The following CSMD3 variants were observed in gnomAD, a reference collection of about 807,000 sequenced individuals.
CSMD3 encodes CUB and Sushi multiple domains 3, also known as CUB and sushi domain-containing protein 3.
Under a neutral mutation model 435.2 loss-of-function variants are expected in CSMD3, and 177 were observed. The ratio of observed to expected loss-of-function variants is 0.41; its 90% CI spans 0.36 to 0.46. The LOEUF is 0.46. CSMD3 is among the 20% of genes least tolerant of loss of function. The pLI, the probability that CSMD3 is intolerant of heterozygous loss-of-function variation, is 0.34. For missense variants in CSMD3, 4,265 were observed against 4,504.6 expected (o/e 0.95, Z 1.52); for synonymous variants, 1,656 against 1,520.5 (o/e 1.09, Z -2.07).
intron 6 of CSMD3, among the ~76,000 whole-genome samples, chr8:113,006,849 A>T (rs1402634149): frequency 6.6e-6 from 1 of 151,900 alleles, no homozygotes; most frequent in African/African-American, 2.4e-5. Context: ...TGGAATAAGG[A>T]ATCCCAGAAG....
intron 4 of CSMD3, among the ~76,000 whole-genome samples, chr8:113,107,987 G>C (rs990590215): frequency 4.6e-5 from 7 of 152,002 alleles, no homozygotes; most frequent in African/African-American, 1.5e-4. Flanking sequence ...TCATCAATTT[G>C]GATTCTGATC....
At chr8:113,134,238 T>C (rs1044937603) in intron 4 of CSMD3, among the ~76,000 whole-genome samples, 2 of 152,092 alleles carry the variant, frequency 1.3e-5, no homozygotes, top group Non-Finnish European at 2.9e-5. Flanking sequence ...GTCACTTTCC[T>C]ATATTACCTC....
At chr8:113,226,471 T>C (rs1314820246) in intron 3 of CSMD3, among the ~76,000 whole-genome samples, 1 of 151,632 alleles carries the variant, frequency 6.6e-6, no homozygotes, top group Non-Finnish European at 1.5e-5. Context: ...TGTATGAGTA[T>C]GTCTGAAAAA....
At position 113,078,884 on chromosome 8, in the gene CSMD3, G is replaced by A. The variant is rs951408233; in HGVS notation, c.917+19872C>T. Among the ~76,000 whole-genome samples the A allele has an allele frequency of 3.9e-5, 6 of 152,072 alleles. No homozygotes were observed. In the South Asian group the frequency reaches 6.2e-4, roughly 16 times the overall value. On this transcript the variant is annotated intron_variant, in intron 5 of 70. Transcript: ENST00000297405. ...AGCTAGACAATTACATTTAGAGAAC[G>A]CAGCCAGGGCTCCTGGAGCAAAGTA...
chr8:113,011,571 C>T (rs1430097650), intron 6 of CSMD3, among the ~76,000 whole-genome samples: 1 of 151,750 alleles, frequency 6.6e-6, no homozygotes, highest in Non-Finnish European at 1.5e-5. Flanking sequence ...AAAGTGTAGT[C>T]AAACTTTCAT....
intron 42 of CSMD3, among the ~76,000 whole-genome samples, chr8:112,338,310 T>C (rs1401424834): frequency 6.6e-6 from 1 of 152,228 alleles, no homozygotes; most frequent in East Asian, 1.9e-4. Context: ...TGCAGTATAA[T>C]TGCCTATTTA....
intron 3 of CSMD3, among the ~76,000 whole-genome samples, chr8:113,209,306 G>A (rs1448401541): frequency 6.6e-6 from 1 of 152,062 alleles, no homozygotes; most frequent in Admixed American, 6.6e-5. Context: ...ATCTAATGAA[G>A]GGCATTTATA....
intron 6 of CSMD3, among the ~76,000 whole-genome samples, chr8:113,004,534 A>G (rs1299946523): frequency 3.3e-5 from 5 of 152,042 alleles, no homozygotes; most frequent in Non-Finnish European, 7.4e-5. Context: ...TTGTCATAAC[A>G]AAAGATTCCC....
chr8:112,819,105 C>T (rs2079457812), intron 12 of CSMD3, among the ~76,000 whole-genome samples: 1 of 152,106 alleles, frequency 6.6e-6, no homozygotes, highest in South Asian at 2.1e-4. Context: ...CCATATCCCA[C>T]AAGTAGAACA....
chr8:112,684,996 G>C (rs1224002041), intron 15 of CSMD3, among the ~76,000 whole-genome samples: 1 of 152,074 alleles, frequency 6.6e-6, no homozygotes, highest in African/African-American at 2.4e-5. Flanking sequence ...GCCATGATTA[G>C]TTGTTTAATA....
chr8:113,188,889 A>G (rs886226376), intron 3 of CSMD3, among the ~76,000 whole-genome samples: 2 of 151,870 alleles, frequency 1.3e-5, no homozygotes, highest in African/African-American at 4.8e-5. Context: ...GAACTCACTG[A>G]TTTTAACTAT....
intron 32 of CSMD3, among the ~76,000 whole-genome samples, chr8:112,468,808 A>G (rs1818233884): frequency 6.6e-6 from 1 of 152,112 alleles, no homozygotes; most frequent in African/African-American, 2.4e-5. Context: ...TATATGTAGA[A>G]TAAGGAGAGT....
At chr8:113,199,623 C>G (rs2092696585) in intron 3 of CSMD3, among the ~76,000 whole-genome samples, 1 of 151,508 alleles carries the variant, frequency 6.6e-6, no homozygotes. Flanking sequence ...TTTTAGCTGC[C>G]CATTTTCATG....
rs1258435294 is a variant in CSMD3, at chr8:112,976,100, T to C, written c.1079A>G (p.His360Arg). 6.2e-7 allele frequency: 1 copy of C among 1,614,068 alleles called. No homozygotes were observed. Among genetic ancestry groups the C allele is most frequent in the Admixed American group, 1.7e-5 (1 of 60,000 alleles). ...AATAGCACCAGTGGTAGTCCTGTTA[T>C]GCTCCTCTAACTCACCAGTGGAGGT... ...HTTSTGELEEHNRTTTGAIAV... is the reference protein window; with the variant it reads ...HTTSTGELEERNRTTTGAIAV... Residue 360 changes from histidine to arginine, a missense_variant, in exon 7 of 71, where the codon CAT (histidine) becomes CGT (arginine). Physicochemically the swap from His to Arg is conservative, Grantham distance 29. Coordinates refer to ENST00000297405, the MANE Select transcript of CSMD3 (RefSeq NM_198123.2).
rs146280031 is a variant in CSMD3, at chr8:112,778,234, C to T, written c.1972+21928G>A. ...TGACACATCATTATCACCCAAAGTC[C>T]GTAGTTCACATTAGAATTCAGGCTT... On this transcript the variant is annotated intron_variant, in intron 13 of 70. Transcript: ENST00000297405. Among the ~76,000 whole-genome samples the T allele has an allele frequency of 5.4e-4, 82 of 151,888 alleles. 1 individual carries two copies. Among genetic ancestry groups the T allele is most frequent in the African/African-American group, 1.9e-3 (78 of 41,500 alleles).
At chr8:112,503,048 T>C (rs181228702) in intron 30 of CSMD3, among the ~76,000 whole-genome samples, 2 of 152,166 alleles carry the variant, frequency 1.3e-5, no homozygotes, top group Admixed American at 1.3e-4. Context: ...TATAACTATA[T>C]TTCTTCTCTT....
intron 32 of CSMD3, among the ~76,000 whole-genome samples, chr8:112,439,861 G>T (rs1814795675): frequency 8.4e-6 from 1 of 118,706 alleles, no homozygotes. Context: ...CTGCCACTAG[G>T]TCCCCCCCCG....
At chr8:112,922,486 C>T (rs1343376732) in intron 9 of CSMD3, among the ~76,000 whole-genome samples, 1 of 151,692 alleles carries the variant, frequency 6.6e-6, no homozygotes, top group African/African-American at 2.4e-5. Context: ...TTTTTTTACC[C>T]ATTAACCATA....
At chr8:113,435,398 C>A (rs1586202104) in intron 1 of CSMD3, among the ~76,000 whole-genome samples, 1 of 152,266 alleles carries the variant, frequency 6.6e-6, no homozygotes, top group African/African-American at 2.4e-5. Flanking sequence ...TCTCCAGCTC[C>A]CTCCTCCCAA....
Sources: gnomAD v4.1 joint callset for allele counts (sites outside exome capture counted in the v4.1 genomes callset) on GRCh38, gnomAD v4.1.1 for gene constraint, MANE v1.5 for transcripts, NCBI Gene and HGNC (gene_info 2026-07-23, HGNC 2026-07-21) for gene names.